The following PLEKHA6 variants were observed in gnomAD, a reference collection of about 807,000 sequenced individuals.
PLEKHA6 encodes the protein pleckstrin homology domain-containing family A member 6.
A neutral mutation model predicts 116.7 loss-of-function variants in PLEKHA6; 60 were observed. The ratio of observed to expected loss-of-function variants is 0.51; its 90% CI spans 0.42 to 0.64. The LOEUF (loss-of-function observed/expected upper bound fraction) is 0.64. Among genes scored for constraint, PLEKHA6 ranks in the 30% least tolerant of loss-of-function variants. PLEKHA6 has a pLI of 0.00. For missense variants in PLEKHA6, 1,338 were observed against 1,422.7 expected (o/e 0.94, Z 0.96); for synonymous variants, 489 against 556.1 (o/e 0.88, Z 1.70).
rs1660775346 is a variant in PLEKHA6, at chr1:204,229,015, C to T, written c.2673G>A (p.Glu891=). The change falls in exon 19 of 23, where the codon GAG becomes GAA. Residue 891 remains glutamate, a synonymous_variant. Coordinates refer to ENST00000272203, the MANE Select transcript of PLEKHA6 (RefSeq NM_014935.5). ...GCCGGGCAATTTCCTCCCGGGGTGT[C>T]TCGTAGGCATGCCCGCCAGGCTCCT... ...RAEEPGGHAY[E]TPREEIARLR... 3.7e-6 allele frequency: 6 copies of T among 1,614,190 alleles called. No homozygotes were observed. In the East Asian group the frequency reaches 1.3e-4, roughly 36 times the overall value.
chr1:204,236,315 C>T lies in PLEKHA6; in HGVS notation c.2409+5060G>A, dbSNP rs544258868. On this transcript the variant is annotated intron_variant, in intron 17 of 22. Transcript: ENST00000272203. ...GAGCGAGATGGAAATGCCTGATCTCCCTTGGTTTAATGTAGAGGAAGAGAT... is the reference window on the plus strand; with the variant it reads ...GAGCGAGATGGAAATGCCTGATCTCTCTTGGTTTAATGTAGAGGAAGAGAT... Among the ~76,000 whole-genome samples, 44 of 152,230 alleles carry T rather than the reference C, an allele frequency of 2.9e-4. No individual in the cohort carries two copies. The South Asian group carries it at 8.9e-3, about 31-fold the overall frequency.
In PLEKHA6 at chr1:204,327,163, G is replaced by A. The variant is rs941711232; in HGVS notation, c.-95+32531C>T. ...GAAGTAGCTCAAGGATGTAACAGGC[G>A]CGAGCCCAGTGAAACAGAAATACAG... On this transcript the variant is annotated intron_variant, in intron 1 of 22. Coordinates refer to ENST00000272203, the MANE Select transcript of PLEKHA6 (RefSeq NM_014935.5). 6.3e-5 allele frequency: 12 copies of A among 190,880 alleles called. No individual in the cohort carries two copies. In the South Asian group the frequency reaches 1.1e-3, roughly 17 times the overall value. The allele number at this position is 190,880 out of a possible 1,614,324, so 11.8% of individuals were successfully genotyped here.
chr1:204,298,593 C>T (rs898026034), intron 1 of PLEKHA6, among the ~76,000 whole-genome samples: 8 of 152,134 alleles, frequency 5.3e-5, no homozygotes, highest in African/African-American at 1.7e-4. Context: ...AAGAGCCAAG[C>T]GAGAGGAGTT....
intron 17 of PLEKHA6, among the ~76,000 whole-genome samples, chr1:204,233,100 G>T (rs535072941): frequency 4.6e-4 from 70 of 151,968 alleles, no homozygotes; most frequent in African/African-American, 1.5e-3. Context: ...ACCACCCCTG[G>T]CCAGGAATGA....
At chr1:204,234,291 A>G (rs1470667520) in intron 17 of PLEKHA6, among the ~76,000 whole-genome samples, 2 of 152,206 alleles carry the variant, frequency 1.3e-5, no homozygotes, top group Non-Finnish European at 2.9e-5. Flanking sequence ...GGAGAAAGGC[A>G]GGAAACAGAT....
At chr1:204,320,611 C>G in intron 1 of PLEKHA6, 1 of 390,146 alleles carries the variant, frequency 2.6e-6, no homozygotes. Context: ...TATGCTGAGC[C>G]CATGTGGGGC....
rs769787216 is a variant in PLEKHA6 at position 204,336,564 on chromosome 1, G to A, written c.-95+23130C>T. Among the ~76,000 whole-genome samples the A allele has an allele frequency of 9.1e-4, 89 of 97,750 alleles. 1 individual carries two copies. Among genetic ancestry groups the A allele is most frequent in the Non-Finnish European group, 4.8e-4 (24 of 50,146 alleles). 64.1% of individuals were successfully genotyped at this position (97,750 alleles called of 152,430 possible). A position where few individuals can be genotyped will look rare whatever the true frequency, so the allele number is the denominator to read the frequency against. ...GACCTCCTGAAAGAGGTGTGTGAGCGTGTGTGTGTGTGTGTGTGTGTGTGC... is the reference window on the plus strand; with the variant it reads ...GACCTCCTGAAAGAGGTGTGTGAGCATGTGTGTGTGTGTGTGTGTGTGTGC... On this transcript the variant is annotated intron_variant, in intron 1 of 22. Transcript: ENST00000272203.
At chr1:204,225,021 G>A (rs1024432612) in intron 21 of PLEKHA6, among the ~76,000 whole-genome samples, 1 of 152,190 alleles carries the variant, frequency 6.6e-6, no homozygotes, top group Non-Finnish European at 1.5e-5. Context: ...ATTCTAAAAG[G>A]TGTTGACTCG....
intron 8 of PLEKHA6, among the ~76,000 whole-genome samples, chr1:204,258,479 A>T (rs1440144298): frequency 1.3e-5 from 2 of 152,062 alleles, no homozygotes; most frequent in African/African-American, 4.8e-5. Flanking sequence ...GATTCTTGGG[A>T]CTCATCCCAA....
chr1:204,325,091 C>T (rs939557193), intron 1 of PLEKHA6, among the ~76,000 whole-genome samples: 4 of 152,100 alleles, frequency 2.6e-5, no homozygotes, highest in African/African-American at 7.2e-5. Flanking sequence ...AGGCAGGAGC[C>T]ACCTCCACAC....
chr1:204,233,788 C>T (rs965878406), intron 17 of PLEKHA6, among the ~76,000 whole-genome samples: 8 of 152,000 alleles, frequency 5.3e-5, no homozygotes, highest in Non-Finnish European at 1.5e-5. Context: ...AGAGATTTTG[C>T]CCCAAAATGG....
At position 204,268,910 on chromosome 1, in the gene PLEKHA6, A is replaced by G. The variant is rs116829656; in HGVS notation, c.103-598T>C. Among the ~76,000 whole-genome samples the G allele has an allele frequency of 7.7e-3, 1,170 of 152,140 alleles. 15 individuals carry two copies. The highest frequency in any genetic ancestry group is 0.027 in the African/African-American group (1,120 of 41,508). ...CTGTCCGCTTCTCAATCGTTCTTTCAGTCTAAGGGTTTTGATGTTAGTCCT... is the reference window on the plus strand; with the variant it reads ...CTGTCCGCTTCTCAATCGTTCTTTCGGTCTAAGGGTTTTGATGTTAGTCCT... On this transcript the variant is annotated intron_variant, in intron 3 of 22. Transcript: ENST00000272203.
chr1:204,244,395 C>G (rs1663337470), intron 15 of PLEKHA6, among the ~76,000 whole-genome samples: 2 of 151,988 alleles, frequency 1.3e-5, no homozygotes, highest in Non-Finnish European at 2.9e-5. Flanking sequence ...CCCGCCTTGG[C>G]CTCCCAAAAT....
intron 2 of PLEKHA6, among the ~76,000 whole-genome samples, chr1:204,368,023 G>A (rs1257275691): frequency 5.9e-5 from 9 of 152,298 alleles, no homozygotes; most frequent in East Asian, 5.8e-4. Context: ...TTTTTTGTCC[G>A]TGATTTCTAG....
rs1030919803 is a variant in PLEKHA6, at chr1:204,223,509, G to A, written c.3108C>T (p.Ser1036=). The change falls in exon 22 of 23, where the codon TCC becomes TCT. Residue 1036 remains serine, a synonymous_variant. Coordinates refer to ENST00000272203, the MANE Select transcript of PLEKHA6 (RefSeq NM_014935.5). This position sits in a 1 kb window ranked among gnomAD's most constrained non-coding sequence, Gnocchi z 4.8. ...APPANPLSSE[S]PRGADSSYTM... ...TATAGCTGCTGTCGGCGCCCCGTGG[G>A]GATTCAGACGACAGGGGGTTTGCTG... is the stretch of plus-strand genomic sequence containing the variant. 3.2e-6 allele frequency: 5 copies of A among 1,550,774 alleles called. No homozygotes were observed. In the South Asian group the frequency reaches 6.0e-5, roughly 18 times the overall value.
chr1:204,293,007 C>T (rs960497002), intron 1 of PLEKHA6, among the ~76,000 whole-genome samples: 2 of 152,172 alleles, frequency 1.3e-5, no homozygotes, highest in African/African-American at 4.8e-5. Flanking sequence ...CTCCTCCTGG[C>T]ATGGAGCCCC....
At chr1:204,357,327 C>T (rs1243680611) in intron 1 of PLEKHA6, among the ~76,000 whole-genome samples, 2 of 152,194 alleles carry the variant, frequency 1.3e-5, no homozygotes, top group African/African-American at 4.8e-5. Flanking sequence ...TAGATAGTCT[C>T]TGAGGGGCGT....
intron 3 of PLEKHA6, among the ~76,000 whole-genome samples, chr1:204,365,929 G>A (rs1339142842): frequency 2.0e-5 from 3 of 152,194 alleles, no homozygotes; most frequent in Non-Finnish European, 2.9e-5. Context: ...CTCTGAGGAG[G>A]TGACATGGGC....
chr1:204,225,157 T>A (rs576052811), intron 21 of PLEKHA6, among the ~76,000 whole-genome samples: 56 of 152,254 alleles, frequency 3.7e-4, no homozygotes, highest in African/African-American at 1.3e-3. Context: ...AAAGCAGACA[T>A]AACAGCTTTA....
Sources: gnomAD v4.1 joint callset for allele counts (sites outside exome capture counted in the v4.1 genomes callset) on GRCh38, gnomAD v4.1.1 for gene constraint, Gnocchi (gnomAD v3.1) non-coding constraint, MANE v1.5 for transcripts, NCBI Gene and HGNC (gene_info 2026-07-23, HGNC 2026-07-21) for gene names.